Variants in USP31 observed in about 807,000 individuals in gnomAD.
USP31 encodes ubiquitin specific peptidase 31.
A neutral mutation model predicts 119.4 loss-of-function variants in USP31; 44 were observed. That is an observed-to-expected ratio of 0.37 (90% CI 0.29 to 0.47). USP31 has a LOEUF of 0.47. Among genes scored for constraint, USP31 ranks in the 20% least tolerant of loss-of-function variants. The probability of loss-of-function intolerance (pLI) is 0.99; values close to 1 mark genes in which losing one functional copy is unlikely to be tolerated. For missense variants in USP31, 1,643 were observed against 1,730.2 expected (o/e 0.95, Z 0.89); for synonymous variants, 749 against 705.6 (o/e 1.06, Z -0.97).
At chr16:23,083,595 TAA>T (rs755789724) in intron 11 of USP31, among the ~76,000 whole-genome samples, 23 of 98,808 alleles carry the variant, frequency 2.3e-4, no homozygotes, top group South Asian at 3.4e-4. Flanking sequence ...CCAAAGTCAT[TAA>T]AAAAAAAAAA....
At chr16:23,117,475 T>C (rs969626692) in intron 1 of USP31, among the ~76,000 whole-genome samples, 1 of 152,210 alleles carries the variant, frequency 6.6e-6, no homozygotes, top group Admixed American at 6.5e-5. Flanking sequence ...TATAACTGAC[T>C]CGTGAAACCA....
chr16:23,087,446 G>T (rs74412163), intron 8 of USP31, among the ~76,000 whole-genome samples: 2 of 152,054 alleles, frequency 1.3e-5, no homozygotes, highest in Non-Finnish European at 2.9e-5. Context: ...GGTCTTCCAC[G>T]GATACCTTAA....
rs1183604069 is a variant in USP31, at chr16:23,062,384, A to ACC, written c.*5661_*5662insGG. ...AGCAATAAGGGTTTTTTTTTTTTAA[A>ACC]AAAAAGACACCAAAGAAAATGTTTC... On this transcript the variant is annotated 3_prime_UTR_variant, in exon 16 of 16. Transcript: ENST00000219689. The ACC allele has an allele frequency of 1.3e-5, 2 of 150,738 alleles. No individual in the cohort carries two copies. The highest frequency in any genetic ancestry group is 2.1e-4 in the South Asian group (1 of 4,776). The allele number at this position is 150,738 out of a possible 1,614,324, so 9.3% of individuals were successfully genotyped here. A position where few individuals can be genotyped will look rare whatever the true frequency, so the allele number is the denominator to read the frequency against.
At chr16:23,132,834 G>A (rs771308890) in intron 1 of USP31, among the ~76,000 whole-genome samples, 6 of 151,978 alleles carry the variant, frequency 3.9e-5, no homozygotes, top group Non-Finnish European at 7.4e-5. Flanking sequence ...TTTTCCAATC[G>A]TCAAGAGTGC....
intron 9 of USP31, among the ~76,000 whole-genome samples, chr16:23,086,598 T>C (rs920647315): frequency 6.6e-6 from 1 of 152,092 alleles, no homozygotes; most frequent in East Asian, 1.9e-4. Context: ...GCATATAAAA[T>C]AGTATCGCCT....
Position 23,082,530 on chromosome 16 carries a change from G to C in USP31, c.1858C>G (p.Pro620Ala). 1 of 1,614,160 alleles carries C rather than the reference G, an allele frequency of 6.2e-7. No individual in the cohort carries two copies. The highest frequency in any genetic ancestry group is 8.5e-7 in the Non-Finnish European group (1 of 1,180,038). ...CCCTGCTGCAGCTGCTTACAGTGTGGGCAACGCCAGGCATCATCGGGGGCA... is the reference window on the plus strand; with the variant it reads ...CCCTGCTGCAGCTGCTTACAGTGTGCGCAACGCCAGGCATCATCGGGGGCA... ...RLAPDDAWRC[P>A]HCKQLQQGSI... The change falls in exon 12 of 16, where the codon CCA becomes GCA. Residue 620 changes from proline (P) to alanine (A), a missense_variant. Coordinates refer to ENST00000219689, the MANE Select transcript of USP31 (RefSeq NM_020718.4).
intron 11 of USP31, among the ~76,000 whole-genome samples, chr16:23,084,112 C>T (rs938588894): frequency 1.3e-5 from 2 of 152,208 alleles, no homozygotes; most frequent in Non-Finnish European, 2.9e-5. Flanking sequence ...CCTGAAATTG[C>T]ATGACTCCAT....
intron 1 of USP31, chr16:23,115,740 T>A (rs1359099563): frequency 1.0e-6 from 1 of 976,766 alleles, no homozygotes; most frequent in Non-Finnish European, 1.2e-6. Flanking sequence ...TACTAAATAA[T>A]AAAGTAAAAG....
intron 7 of USP31, 116 bp from the exon 8 acceptor site, chr16:23,087,951 T>G (rs1901183381): frequency 1.4e-5 from 11 of 811,928 alleles, no homozygotes; most frequent in Non-Finnish European, 1.9e-5. Flanking sequence ...TTAGGACAGT[T>G]CTCAAAATAA....
chr16:23,082,108 A>G (rs1479971759), intron 12 of USP31, among the ~76,000 whole-genome samples: 1 of 152,196 alleles, frequency 6.6e-6, no homozygotes, highest in African/African-American at 2.4e-5. Context: ...CAGAACACCC[A>G]TATTACATTA....
At position 23,066,469 on chromosome 16, in the gene USP31, T is replaced by C. The variant is rs373206287; in HGVS notation, c.*1577A>G. ...AGCTATGCATGCATATGTGTTGTAGTTAATTCACACACAGCAATACTGAAA... is the reference window on the plus strand; with the variant it reads ...AGCTATGCATGCATATGTGTTGTAGCTAATTCACACACAGCAATACTGAAA... On this transcript the variant is annotated 3_prime_UTR_variant, in exon 16 of 16. Coordinates refer to ENST00000219689, the MANE Select transcript of USP31 (RefSeq NM_020718.4). The C allele has an allele frequency of 2.2e-4, 33 of 152,340 alleles. No homozygotes were observed. Among genetic ancestry groups the C allele is most frequent in the African/African-American group, 8.0e-4 (33 of 41,408 alleles). 9.4% of individuals were successfully genotyped at this position (152,340 alleles called of 1,614,324 possible).
At position 23,080,145 on chromosome 16, in the gene USP31, C is replaced by G. The variant is rs139328639; in HGVS notation, c.1977G>C (p.Gln659His). 3.2e-6 allele frequency: 5 copies of G among 1,568,032 alleles called. No individual in the cohort carries two copies. The highest frequency in any genetic ancestry group is 2.4e-5 in the South Asian group (2 of 82,922). The change falls in exon 13 of 16, where the codon CAG (glutamine) becomes CAC (histidine). Residue 659 changes from glutamine (Q) to histidine (H), a missense_variant. Gln to His is a conservative substitution (Grantham distance 24). Transcript: ENST00000219689. ...RQEGDRRMKL[Q>H]NMVKFPLTGL... ...CAGTCAAGGGGAATTTGACCATGTT[C>G]TGAAGTTTCATGCGCCTGTCTCCTT... is the stretch of plus-strand genomic sequence containing the variant.
chr16:23,148,786 C>T lies in USP31; in HGVS notation c.485G>A (p.Arg162Gln). The T allele has an allele frequency of 6.5e-7, 1 of 1,533,064 alleles. No individual in the cohort carries two copies. The highest frequency in any genetic ancestry group is 1.2e-5 in the South Asian group (1 of 80,934). The allele number at this position is 1,533,064 out of a possible 1,614,324, so 95.0% of individuals were successfully genotyped here. ...AGGCGAGGGCTCGGGCCGCCCCGCC[C>T]GGTACTGGCCCAGCGCCAGGTACTC... is the stretch of plus-strand genomic sequence containing the variant. ...FAEYLALGQY[R>Q]AGRPEPSPDP... Residue 162 changes from arginine to glutamine, a missense_variant, in exon 1 of 16, where the codon CGG (arginine) becomes CAG (glutamine). This residue lies in a region of USP31 where 302 missense variants were observed against 262.6 expected (regional missense o/e 1.15). Transcript: ENST00000219689.
rs530741264 is a variant in USP31, at chr16:23,113,429, G to T, written c.634-5246C>A. The stretch of plus-strand genomic sequence containing the variant: ...AAAAGGTCACGGAAAAGCTGCCCGT[G>T]AAGAAGCAAAGAGGTGGCAGCCAGG... On this transcript the variant is annotated intron_variant, in intron 1 of 15. Coordinates refer to ENST00000219689, the MANE Select transcript of USP31 (RefSeq NM_020718.4). Among the ~76,000 whole-genome samples, 480 of 152,266 alleles carry T rather than the reference G, an allele frequency of 3.2e-3. 4 individuals are homozygous for T. The highest frequency in any genetic ancestry group is 0.011 in the African/African-American group (455 of 41,550).
At chr16:23,113,365 G>A (rs1902384125) in intron 1 of USP31, among the ~76,000 whole-genome samples, 1 of 152,168 alleles carries the variant, frequency 6.6e-6, no homozygotes. Flanking sequence ...AACATATGGT[G>A]AGAAGAGGAA....
chr16:23,122,755 C>A (rs1304469184), intron 1 of USP31, among the ~76,000 whole-genome samples: 1 of 151,908 alleles, frequency 6.6e-6, no homozygotes, highest in East Asian at 1.9e-4. Context: ...GATAGAGACA[C>A]AATGTAGCTT....
chr16:23,102,162 A>G (rs1263844871), intron 6 of USP31, among the ~76,000 whole-genome samples, 157 bp downstream of exon 6: 2 of 152,068 alleles, frequency 1.3e-5, no homozygotes, highest in Non-Finnish European at 2.9e-5. Context: ...AAATATTACT[A>G]TAAGATTTTT....
At position 23,118,618 on chromosome 16, in the gene USP31, A is replaced by G. The variant is rs948337096; in HGVS notation, c.634-10435T>C. Among the ~76,000 whole-genome samples, 3 of 152,202 alleles carry G rather than the reference A, an allele frequency of 2.0e-5. No individual in the cohort carries two copies. The East Asian group carries it at 5.8e-4, about 29-fold the overall frequency. ...TGACTTCTTACATTACGTTTTATTC[A>G]TATCTCTAGGACATACCATCTCACA... On this transcript the variant is annotated intron_variant, in intron 1 of 15. Coordinates refer to ENST00000219689, the MANE Select transcript of USP31 (RefSeq NM_020718.4).
At chr16:23,069,662 A>G in intron 15 of USP31, 46 bp from the exon 16 acceptor site, 2 of 1,547,930 alleles carry the variant, frequency 1.3e-6, no homozygotes, top group South Asian at 1.3e-5. Flanking sequence ...CAATGAAGAC[A>G]TTCTAACAAC....
Sources: gnomAD v4.1 joint callset for allele counts (sites outside exome capture counted in the v4.1 genomes callset) on GRCh38, gnomAD v4.1.1 for gene constraint, gnomAD v4.1.1 regional missense constraint, MANE v1.5 for transcripts, NCBI Gene and HGNC (gene_info 2026-07-23, HGNC 2026-07-21) for gene names.